Variants in PRKCA observed in about 807,000 individuals in gnomAD.
PRKCA encodes protein kinase C alpha type.
In PRKCA, 27 loss-of-function variants were observed where a neutral mutation model predicts 87.0. The ratio of observed to expected loss-of-function variants is 0.31; its 90% CI spans 0.23 to 0.43. PRKCA has a LOEUF of 0.43. PRKCA is among the 20% of genes least tolerant of loss of function. The pLI is 1.00. For synonymous variants in PRKCA, 329 were observed against 311.1 expected, an observed-to-expected ratio of 1.06 and a Z score of -0.61; for missense variants, 518 against 852.3, an observed-to-expected ratio of 0.61 and a Z score of 4.88.
At chr17:66,676,426 CGAG>C (rs1972334488) in intron 5 of PRKCA, 1 of 152,468 alleles carries the variant, frequency 6.6e-6, no homozygotes, top group African/African-American at 2.4e-5. Context: ...GCTAGAATAA[CGAG>C]GAAGCAGAGG....
At chr17:66,667,439 C>T (rs1219448554) in intron 5 of PRKCA, among the ~76,000 whole-genome samples, 4 of 152,176 alleles carry the variant, frequency 2.6e-5, no homozygotes, top group Non-Finnish European at 1.5e-5. Flanking sequence ...CACATGGCGG[C>T]AGCAAGGAGA....
intron 2 of PRKCA, among the ~76,000 whole-genome samples, chr17:66,487,579 T>C (rs1598713294): frequency 6.6e-6 from 1 of 152,200 alleles, no homozygotes; most frequent in East Asian, 1.9e-4. Context: ...TGTGTTTAGT[T>C]GTTTGGGAGA....
intron 6 of PRKCA, among the ~76,000 whole-genome samples, 169 bp from the exon 7 acceptor site, chr17:66,688,133 G>C (rs963892847): frequency 1.3e-5 from 2 of 152,196 alleles, no homozygotes; most frequent in Non-Finnish European, 2.9e-5. Flanking sequence ...GTCATAGTTT[G>C]TTAACTCCTG....
At chr17:66,626,151 A>G (rs775677428) in intron 3 of PRKCA, among the ~76,000 whole-genome samples, 19 of 151,174 alleles carry the variant, frequency 1.3e-4, no homozygotes, top group Non-Finnish European at 2.4e-4. Flanking sequence ...AAAGGCTACC[A>G]TTTGGTTTGG....
intron 2 of PRKCA, among the ~76,000 whole-genome samples, chr17:66,316,572 T>C (rs1905328357): frequency 6.6e-6 from 1 of 152,176 alleles, no homozygotes; most frequent in South Asian, 2.1e-4. Flanking sequence ...TTAGTGTTAG[T>C]GTATTTTACA....
intron 2 of PRKCA, among the ~76,000 whole-genome samples, chr17:66,349,784 T>C (rs969644898): frequency 5.9e-5 from 9 of 152,114 alleles, no homozygotes; most frequent in South Asian, 4.2e-4. Flanking sequence ...ACGGCTTTGA[T>C]TGAGTGTTAG....
chr17:66,757,888 C>A (rs978853346), intron 13 of PRKCA, among the ~76,000 whole-genome samples: 1 of 152,120 alleles, frequency 6.6e-6, no homozygotes, highest in African/African-American at 2.4e-5. Context: ...CCATGCCTGG[C>A]TAATGTTTTT....
At chr17:66,424,757 G>A (rs138068391) in intron 2 of PRKCA, among the ~76,000 whole-genome samples, 9 of 134,550 alleles carry the variant, frequency 6.7e-5, no homozygotes, top group East Asian at 2.1e-4. Context: ...CACCCCCACC[G>A]CCTTTTTTTT....
At chr17:66,357,266 C>T (rs1908118042) in intron 2 of PRKCA, among the ~76,000 whole-genome samples, 1 of 152,068 alleles carries the variant, frequency 6.6e-6, no homozygotes, top group Admixed American at 6.6e-5. Flanking sequence ...GGGGAGGGCA[C>T]TAGAGGCAGC....
chr17:66,576,896 A>G (rs543329983), intron 3 of PRKCA, among the ~76,000 whole-genome samples: 1 of 135,872 alleles, frequency 7.4e-6, no homozygotes, highest in African/African-American at 2.9e-5. Flanking sequence ...TTTTTTTGAG[A>G]CAGGGTCTTG....
intron 3 of PRKCA, among the ~76,000 whole-genome samples, chr17:66,569,012 A>G (rs1391401085): frequency 6.6e-6 from 1 of 152,206 alleles, no homozygotes; most frequent in Admixed American, 6.5e-5. Context: ...CTCAACCACA[A>G]GTAACACCCT....
intron 16 of PRKCA, 114 bp downstream of exon 16, chr17:66,789,093 T>G (rs1598945638): frequency 7.6e-7 from 1 of 1,319,540 alleles, no homozygotes; most frequent in Non-Finnish European, 1.0e-6. Flanking sequence ...TTGTACAGGG[T>G]GAGGAAACGG....
At position 66,789,298 on chromosome 17, in the gene PRKCA, G is replaced by A. The variant is rs372963872; in HGVS notation, c.1854+319G>A. Among the ~76,000 whole-genome samples, 16 of 152,294 alleles carry A rather than the reference G, an allele frequency of 1.1e-4. No individual in the cohort carries two copies. The East Asian group carries it at 1.4e-3, about 13-fold the overall frequency. ...CTTTAGGTCTGGACTTTGTGGACTC[G>A]CACCCAGCAGGGCCGTATTCACAGC... On this transcript the variant is annotated intron_variant, in intron 16 of 16. Coordinates refer to ENST00000413366, the MANE Select transcript of PRKCA (RefSeq NM_002737.3).
intron 3 of PRKCA, among the ~76,000 whole-genome samples, chr17:66,577,307 C>G (rs1041162777): frequency 3.3e-5 from 5 of 152,194 alleles, no homozygotes; most frequent in Non-Finnish European, 7.3e-5. Flanking sequence ...ATCCCTCTCT[C>G]ACATTGGTCA....
chr17:66,639,960 A>G (rs1459850761), intron 3 of PRKCA, among the ~76,000 whole-genome samples: 1 of 152,048 alleles, frequency 6.6e-6, no homozygotes, highest in Admixed American at 6.5e-5. Context: ...GTGCCACTGC[A>G]CTCCAGCTTG....
chr17:66,701,833 A>T (rs185656942), intron 8 of PRKCA, among the ~76,000 whole-genome samples: 61 of 152,252 alleles, frequency 4.0e-4, no homozygotes, highest in Admixed American at 5.2e-4. Context: ...GTTATTGAGG[A>T]TGTGGAGAAA....
intron 7 of PRKCA, 120 bp downstream of exon 7, chr17:66,688,556 A>T (rs575494826): frequency 1.5e-6 from 2 of 1,324,160 alleles, no homozygotes; most frequent in South Asian, 2.9e-5. Flanking sequence ...TAATCCCAGC[A>T]CTTCAAGAGG....
At chr17:66,777,791 C>T (rs1259664550) in intron 14 of PRKCA, 4 of 985,338 alleles carry the variant, frequency 4.1e-6, no homozygotes, top group Non-Finnish European at 4.8e-6. Flanking sequence ...TTTCCGAGGG[C>T]GCTTTACAAG....
At chr17:66,422,324 T>C (rs1386689085) in intron 2 of PRKCA, among the ~76,000 whole-genome samples, 1 of 152,228 alleles carries the variant, frequency 6.6e-6, no homozygotes, top group Non-Finnish European at 1.5e-5. Context: ...TTGGCAGTTC[T>C]GTTTCAAGAG....
Sources: allele counts gnomAD v4.1 joint callset (sites outside exome capture counted in the v4.1 genomes callset), GRCh38; gene constraint gnomAD v4.1.1; transcripts MANE v1.5; gene names NCBI Gene and HGNC (gene_info 2026-07-23, HGNC 2026-07-21).